Variants in MDH2 observed in about 807,000 individuals in gnomAD.
MDH2 encodes malate dehydrogenase, mitochondrial.
A neutral mutation model predicts 33.6 loss-of-function variants in MDH2; 25 were observed. The ratio of observed to expected loss-of-function variants is 0.74; its 90% CI spans 0.54 to 1.04. The LOEUF is 1.04. Ranked by LOEUF, MDH2 falls within the 50% of genes least tolerant of loss-of-function variation. MDH2 has a pLI of 0.00. For missense variants in MDH2, 432 were observed against 445.0 expected, an observed-to-expected ratio of 0.97 and a Z score of 0.26; for synonymous variants, 193 against 188.7, an observed-to-expected ratio of 1.02 and a Z score of -0.19.
Position 76,048,237 on chromosome 7 carries a change from C to G in MDH2, c.66+11C>G. The G allele has an allele frequency of 1.3e-6, 2 of 1,532,116 alleles. No homozygotes were observed. 94.9% of individuals were successfully genotyped at this position (1,532,116 alleles called of 1,614,324 possible). ...AGCACCTCGGCCCAGGTAGGCCAGA[C>G]GAGGGGCGGCCTGCAGGCGGAGGCC... is the stretch of plus-strand genomic sequence containing the variant. On this transcript the variant is annotated intron_variant, in intron 1 of 8. Transcript: ENST00000315758.
Position 76,064,905 on chromosome 7 carries a change from G to A in MDH2, c.837G>A (p.Lys279=), listed in dbSNP as rs782361926. The change falls in exon 8 of 9, where the codon AAG becomes AAA. Residue 279 remains lysine, a synonymous_variant. Coordinates refer to ENST00000315758, the MANE Select transcript of MDH2 (RefSeq NM_005918.4). Reference sequence around the variant, plus strand: ...GTGTTGTGGAATGTTCCTTCGTTAAGTCACAGGAAACGGAATGTACCTACT... The same window carrying A: ...GTGTTGTGGAATGTTCCTTCGTTAAATCACAGGAAACGGAATGTACCTACT... The part of the protein sequence containing the change: ...KEGVVECSFV[K]SQETECTYFS... 1.9e-6 allele frequency: 3 copies of A among 1,614,178 alleles called. No homozygotes were observed. In the East Asian group the frequency reaches 6.7e-5, roughly 36 times the overall value.
At chr7:76,056,574 G>A (rs898793370) in intron 2 of MDH2, among the ~76,000 whole-genome samples, 10 of 152,202 alleles carry the variant, frequency 6.6e-5, no homozygotes, top group South Asian at 2.1e-4. Flanking sequence ...AGTCAAGATC[G>A]AAGCAGATTT....
In MDH2 at chr7:76,066,283, A is replaced by T. The variant is rs545803665; in HGVS notation, c.890A>T (p.Lys297Met). 4.4e-6 allele frequency: 7 copies of T among 1,605,188 alleles called. No individual in the cohort carries two copies. The Admixed American group carries it at 1.0e-4, about 23-fold the overall frequency. The stretch of plus-strand genomic sequence containing the variant: ...ACATGTTCCCATCTCCCTCAGAAAA[A>T]GGGCATCGAGAAGAACCTGGGCATC... Reference protein sequence around the residue: ...YFSTPLLLGKKGIEKNLGIGK... With the variant: ...YFSTPLLLGKMGIEKNLGIGK... Residue 297 changes from lysine (K) to methionine (M), a missense_variant, in exon 9 of 9, where the codon AAG becomes ATG. By Grantham distance (95) the Lys-to-Met change is moderately conservative. Transcript: ENST00000315758.
intron 8 of MDH2, 77 bp downstream of exon 8, chr7:76,065,030 C>T (rs1217724271): frequency 7.8e-7 from 1 of 1,286,224 alleles, no homozygotes; most frequent in African/African-American, 1.4e-5. Context: ...GGAGCTCTCC[C>T]TGGCCCTTTA....
rs1797646288 is a variant in MDH2 at position 76,052,180 on chromosome 7, TGTTAGATAAAGATAGA to T, written c.67-2648_67-2633del. On this transcript the variant is annotated intron_variant, in intron 1 of 8. Transcript: ENST00000315758. ...CATTTCTTGGTAGAGATTAATTCTT[TGTTAGATAAAGATAGA>T]GACAGTCTGGGCATGGTAGCTTACA... 2.6e-5 allele frequency among the ~76,000 whole-genome samples: 4 copies of T among 152,202 alleles called. No individual in the cohort carries two copies. The South Asian group carries it at 8.3e-4, about 32-fold the overall frequency.
chr7:76,050,557 C>G (rs992367485), intron 1 of MDH2, among the ~76,000 whole-genome samples: 1 of 152,142 alleles, frequency 6.6e-6, no homozygotes, highest in Non-Finnish European at 1.5e-5. Context: ...ACAGAACAGG[C>G]CTTGTAAAAC....
intron 4 of MDH2, among the ~76,000 whole-genome samples, chr7:76,058,570 A>C (rs1797854364): frequency 6.6e-6 from 1 of 152,254 alleles, no homozygotes; most frequent in Admixed American, 6.5e-5. Flanking sequence ...AAGTTAATGC[A>C]TAAACTAGGC....
intron 6 of MDH2, 74 bp downstream of exon 6, chr7:76,063,666 C>G (rs370737691): frequency 7.5e-6 from 11 of 1,458,662 alleles, no homozygotes; most frequent in Admixed American, 3.4e-5. Flanking sequence ...GAGGTGATCC[C>G]GGTAGACTGG....
chr7:76,052,561 GA>G (rs1350054492), intron 1 of MDH2, among the ~76,000 whole-genome samples: 173 of 147,742 alleles, frequency 1.2e-3, no homozygotes, highest in Non-Finnish European at 1.9e-3. Flanking sequence ...AGCTTTGGAA[GA>G]TTTTTTTTTT....
intron 1 of MDH2, chr7:76,048,935 C>G (rs1187338765): frequency 4.1e-6 from 4 of 969,404 alleles, no homozygotes; most frequent in Non-Finnish European, 4.8e-6. Flanking sequence ...CACCAGAAAG[C>G]TAATAAAAAA....
rs1190781553 is a variant in MDH2 at position 76,054,861 on chromosome 7, C to G, written c.98C>G (p.Ser33Cys). 2 of 1,614,074 alleles carry G rather than the reference C, an allele frequency of 1.2e-6. No individual in the cohort carries two copies. Among genetic ancestry groups the G allele is most frequent in the African/African-American group, 2.7e-5 (2 of 74,924 alleles). Residue 33 changes from serine to cysteine, a missense_variant, in exon 2 of 9, where the codon TCT (serine) becomes TGT (cysteine). Ser to Cys is a moderately radical substitution (Grantham distance 112). Coordinates refer to ENST00000315758, the MANE Select transcript of MDH2 (RefSeq NM_005918.4). ...GCTAAAGTAGCTGTGCTAGGGGCCT[C>G]TGGAGGCATCGGGCAGCCACTTTCA... is the stretch of plus-strand genomic sequence containing the variant. The part of the protein sequence containing the change: ...NNAKVAVLGA[S>C]GGIGQPLSLL...
At position 76,066,349 on chromosome 7, in the gene MDH2, C is replaced by T; in HGVS notation, c.956C>T (p.Ala319Val). 6.2e-7 allele frequency: 1 copy of T among 1,610,290 alleles called. No individual in the cohort carries two copies. The highest frequency in any genetic ancestry group is 1.4e-5 in the African/African-American group (1 of 73,968). ...TTTGAGGAGAAGATGATCTCGGATGCCATCCCCGAGCTGAAGGCCTCCATC... is the reference window on the plus strand; with the variant it reads ...TTTGAGGAGAAGATGATCTCGGATGTCATCCCCGAGCTGAAGGCCTCCATC... ...SSFEEKMISD[A>V]IPELKASIKK... is the part of the protein sequence containing the mutation. Residue 319 changes from alanine (A) to valine (V), a missense_variant, in exon 9 of 9, where the codon GCC (alanine) becomes GTC (valine). Transcript: ENST00000315758.
chr7:76,061,268 T>C (rs540227994), intron 5 of MDH2, among the ~76,000 whole-genome samples: 3 of 152,316 alleles, frequency 2.0e-5, no homozygotes, highest in East Asian at 3.9e-4. Flanking sequence ...TGGTAGGAAG[T>C]GCACCCGCAG....
chr7:76,064,034 A>G (rs1405800947), intron 6 of MDH2, among the ~76,000 whole-genome samples: 1 of 151,930 alleles, frequency 6.6e-6, no homozygotes, highest in Non-Finnish European at 1.5e-5. Flanking sequence ...GGCCTCAAAA[A>G]ACAAATGAGT....
intron 8 of MDH2, among the ~76,000 whole-genome samples, chr7:76,065,530 G>A (rs1052280266): frequency 2.6e-5 from 4 of 152,190 alleles, no homozygotes; most frequent in East Asian, 1.9e-4. Flanking sequence ...GAGATGCTCC[G>A]ATACAGAAAG....
intron 4 of MDH2, 151 bp from the exon 5 acceptor site, chr7:76,060,222 A>G: frequency 2.0e-6 from 2 of 1,004,198 alleles, no homozygotes; most frequent in Non-Finnish European, 2.8e-6. Context: ...GTGGCTTGCC[A>G]GTACAGAGTT....
intron 1 of MDH2, 63 bp downstream of exon 1, chr7:76,048,289 G>A (rs1797391985): frequency 1.3e-6 from 2 of 1,507,156 alleles, no homozygotes; most frequent in Non-Finnish European, 1.8e-6. Context: ...GTGCGTCCCC[G>A]GTTCGCGGGC....
At chr7:76,052,012 C>T (rs2116651158) in intron 1 of MDH2, among the ~76,000 whole-genome samples, 1 of 152,260 alleles carries the variant, frequency 6.6e-6, no homozygotes, top group Non-Finnish European at 1.5e-5. Flanking sequence ...CTGTAATATA[C>T]AAACAGTGAC....
chr7:76,049,156 T>C (rs1049790397), intron 1 of MDH2: 1 of 956,816 alleles, frequency 1.0e-6, no homozygotes, highest in East Asian at 1.2e-4. Context: ...ATCCAGTTCA[T>C]TTGAAAAATA....
Sources: gnomAD v4.1 joint callset for allele counts (sites outside exome capture counted in the v4.1 genomes callset) on GRCh38, gnomAD v4.1.1 for gene constraint, MANE v1.5 for transcripts, NCBI Gene and HGNC (gene_info 2026-07-23, HGNC 2026-07-21) for gene names.